SGCZ: variants seen among roughly 807,000 people sequenced by gnomAD.
The protein encoded by SGCZ is sarcoglycan zeta, also known as zeta-sarcoglycan.
SGCZ carries 40 observed loss-of-function variants against 41.3 expected under a neutral mutation model. The ratio of observed to expected loss-of-function variants is 0.97; its 90% CI spans 0.75 to 1.26. The LOEUF (loss-of-function observed/expected upper bound fraction) is 1.26, where lower values mean the gene tolerates loss of function less well. Ranked by LOEUF, SGCZ falls within the 50% of genes most tolerant of loss-of-function variation. SGCZ has a pLI of 0.00. For synonymous variants in SGCZ, 206 were observed against 137.5 expected (o/e 1.50, Z -3.49); for missense variants, 552 against 369.8 (o/e 1.49, Z -4.04).
intron 1 of SGCZ, among the ~76,000 whole-genome samples, chr8:14,603,028 C>T (rs1805642524): frequency 6.6e-6 from 1 of 152,154 alleles, no homozygotes; most frequent in African/African-American, 2.4e-5. Context: ...AACATTCAGG[C>T]ATGGCTTCAG....
intron 1 of SGCZ, among the ~76,000 whole-genome samples, chr8:14,752,435 T>C (rs1447300178): frequency 6.6e-6 from 1 of 152,190 alleles, no homozygotes; most frequent in Admixed American, 6.6e-5. Context: ...TTGGGCCAAT[T>C]TGAGTTAAAT....
intron 2 of SGCZ, among the ~76,000 whole-genome samples, chr8:14,400,760 ATT>A (rs11375684): frequency 6.6e-6 from 1 of 151,286 alleles, no homozygotes; most frequent in African/African-American, 2.4e-5. Context: ...AATCAATAGT[ATT>A]TTTTTTTACA....
At chr8:14,355,550 AACTC>A (rs1790343540) in intron 2 of SGCZ, among the ~76,000 whole-genome samples, 1 of 152,014 alleles carries the variant, frequency 6.6e-6, no homozygotes, top group Non-Finnish European at 1.5e-5. Context: ...TAATTTGTAA[AACTC>A]AATAATAACG....
chr8:14,752,485 T>G (rs985798092), intron 1 of SGCZ, among the ~76,000 whole-genome samples: 4 of 152,184 alleles, frequency 2.6e-5, no homozygotes, highest in African/African-American at 4.8e-5. Context: ...TAAATCAAAA[T>G]TACCATCTCA....
At chr8:15,077,597 T>C (rs951356002) in intron 1 of SGCZ, among the ~76,000 whole-genome samples, 1 of 152,208 alleles carries the variant, frequency 6.6e-6, no homozygotes, top group Non-Finnish European at 1.5e-5. Flanking sequence ...TTTAACCTCC[T>C]TGTATGTTGA....
At chr8:15,234,500 G>A (rs1187125350) in intron 1 of SGCZ, among the ~76,000 whole-genome samples, 2 of 152,166 alleles carry the variant, frequency 1.3e-5, no homozygotes, top group Non-Finnish European at 2.9e-5. Flanking sequence ...TTTCAACACT[G>A]ATGTGTTTCA....
chr8:14,302,914 A>G (rs138589594), intron 3 of SGCZ, among the ~76,000 whole-genome samples: 1 of 152,272 alleles, frequency 6.6e-6, no homozygotes, highest in East Asian at 1.9e-4. Context: ...TTTCAATTTC[A>G]TTGAGAGAAC....
chr8:14,584,151 A>T (rs893748227), intron 1 of SGCZ, among the ~76,000 whole-genome samples: 1 of 152,142 alleles, frequency 6.6e-6, no homozygotes, highest in Non-Finnish European at 1.5e-5. Context: ...ATAGATTTAA[A>T]TAGCAAAAGG....
chr8:14,111,220 G>C (rs541835713), intron 5 of SGCZ, among the ~76,000 whole-genome samples: 3 of 152,008 alleles, frequency 2.0e-5, no homozygotes, highest in Non-Finnish European at 4.4e-5. Flanking sequence ...TCATTTTTTA[G>C]TATAAGTATA....
rs557148406 is a variant in SGCZ, at chr8:14,648,409, C to A, written c.40-93483G>T. Among the ~76,000 whole-genome samples, 15 of 152,098 alleles carry A rather than the reference C, an allele frequency of 9.9e-5. No homozygotes were observed. The South Asian group carries it at 2.9e-3, about 29-fold the overall frequency. On this transcript the variant is annotated intron_variant, in intron 1 of 7. Coordinates refer to ENST00000382080, the MANE Select transcript of SGCZ (RefSeq NM_139167.4). ...AGTGTTTGATGTGTTTGAGTCATTT[C>A]TCTTTATTTGGATCAAACAAACAAA...
At chr8:14,634,553 G>A (rs547599206) in intron 1 of SGCZ, among the ~76,000 whole-genome samples, 1 of 151,770 alleles carries the variant, frequency 6.6e-6, no homozygotes, top group Admixed American at 6.6e-5. Context: ...AAATAAATCA[G>A]ATTGAACCCT....
intron 1 of SGCZ, among the ~76,000 whole-genome samples, chr8:14,996,110 A>G (rs1206712570): frequency 2.0e-5 from 3 of 152,028 alleles, no homozygotes; most frequent in Admixed American, 6.5e-5. Flanking sequence ...TCACCATGTT[A>G]GCCAGGATGG....
intron 2 of SGCZ, among the ~76,000 whole-genome samples, chr8:14,364,353 A>AT (rs1378642792): frequency 2.0e-5 from 3 of 152,088 alleles, no homozygotes; most frequent in South Asian, 4.1e-4. Context: ...CCCTTCTGCT[A>AT]TTTTTTTCTG....
At chr8:14,821,519 A>G (rs1802084037) in intron 1 of SGCZ, among the ~76,000 whole-genome samples, 1 of 152,058 alleles carries the variant, frequency 6.6e-6, no homozygotes, top group South Asian at 2.1e-4. Flanking sequence ...AAAAAAATAT[A>G]TAATATAGGC....
rs575027560 is a variant in SGCZ at position 14,702,616 on chromosome 8, C to T, written c.40-147690G>A. Among the ~76,000 whole-genome samples, 5 of 151,994 alleles carry T rather than the reference C, an allele frequency of 3.3e-5. No individual in the cohort carries two copies. In the South Asian group the frequency reaches 1.0e-3, roughly 31 times the overall value. ...AACCAACCCTCCCTTCAGTGTTCTG[C>T]ATCTTAATAAAGGACACCGCTATTT... On this transcript the variant is annotated intron_variant, in intron 1 of 7. Transcript: ENST00000382080.
chr8:14,285,489 C>G (rs1191083045), intron 3 of SGCZ, among the ~76,000 whole-genome samples: 2 of 152,160 alleles, frequency 1.3e-5, no homozygotes, highest in African/African-American at 4.8e-5. Flanking sequence ...GAACCATAGA[C>G]AGAAGAGTAT....
chr8:14,194,764 A>T (rs1351458541), intron 4 of SGCZ, among the ~76,000 whole-genome samples: 1 of 151,894 alleles, frequency 6.6e-6, no homozygotes, highest in African/African-American at 2.4e-5. Flanking sequence ...TATATAAGCC[A>T]TGTGATTACT....
chr8:14,931,308 T>A (rs1329164946), intron 1 of SGCZ, among the ~76,000 whole-genome samples: 2 of 152,114 alleles, frequency 1.3e-5, no homozygotes, highest in African/African-American at 2.4e-5. Flanking sequence ...ATTTTATAAC[T>A]TTTCTTAAGT....
chr8:14,632,863 G>T lies in SGCZ; in HGVS notation c.40-77937C>A, dbSNP rs1020567506. Among the ~76,000 whole-genome samples the T allele has an allele frequency of 2.6e-5, 4 of 151,454 alleles. No homozygotes were observed. The East Asian group carries it at 7.8e-4, about 29-fold the overall frequency. On this transcript the variant is annotated intron_variant, in intron 1 of 7. Transcript: ENST00000382080. ...AAATAGAAATAAATGAATGGATAAA[G>T]GTAAATAAAATACATCAATAAAGTT...
Sources: gnomAD v4.1 joint callset for allele counts (sites outside exome capture counted in the v4.1 genomes callset) on GRCh38, gnomAD v4.1.1 for gene constraint, MANE v1.5 for transcripts, NCBI Gene and HGNC (gene_info 2026-07-23, HGNC 2026-07-21) for gene names.